Variants in DMXL1 observed in about 807,000 individuals in gnomAD.
DMXL1 encodes the protein Dmx like 1.
A neutral mutation model predicts 319.2 loss-of-function variants in DMXL1; 99 were observed. That is an observed-to-expected ratio of 0.31 (90% confidence interval 0.26 to 0.37). The LOEUF (loss-of-function observed/expected upper bound fraction) is 0.37, where lower values mean the gene tolerates loss of function less well. Ranked by LOEUF, DMXL1 falls within the 10% of genes least tolerant of loss-of-function variation. The pLI, the probability that DMXL1 is intolerant of heterozygous loss-of-function variation, is 1.00. For synonymous variants in DMXL1, 1,385 were observed against 1,235.2 expected (o/e 1.12, Z -2.54); for missense variants, 3,745 against 3,595.6 (o/e 1.04, Z -1.06).
chr5:119,140,275 G>A (rs1767011282), intron 13 of DMXL1, among the ~76,000 whole-genome samples: 1 of 152,156 alleles, frequency 6.6e-6, no homozygotes, highest in Non-Finnish European at 1.5e-5. Flanking sequence ...CAAAATCAGA[G>A]ATGAACTGAA....
rs148285772 is a variant in DMXL1 at position 119,143,229 on chromosome 5, T to G, written c.2377-612T>G. On this transcript the variant is annotated intron_variant, in intron 13 of 43. Transcript: ENST00000539542. ...ACCTACAATGAAAGTTAAAAAAAAT[T>G]AAAGATTGAATGCTGGAATGCTCGG... 7.2e-3 allele frequency among the ~76,000 whole-genome samples: 1,099 copies of G among 151,876 alleles called. 15 individuals carry two copies. The highest frequency in any genetic ancestry group is 0.026 in the African/African-American group (1,064 of 41,486).
chr5:119,151,904 T>C (rs760498083), intron 18 of DMXL1, 25 bp from the exon 19 acceptor site: 3 of 1,535,628 alleles, frequency 2.0e-6, no homozygotes, highest in East Asian at 2.3e-5. Flanking sequence ...TTTTAATACA[T>C]TGCTTCCCCT....
At chr5:119,105,895 CAAAA>C (rs560106066) in intron 4 of DMXL1, among the ~76,000 whole-genome samples, 7 of 76,762 alleles carry the variant, frequency 9.1e-5, no homozygotes, top group Admixed American at 1.4e-4. Flanking sequence ...GAAACTGTCT[CAAAA>C]AAAAAAAAAA....
intron 1 of DMXL1, among the ~76,000 whole-genome samples, chr5:119,091,029 A>G (rs959097207): frequency 1.3e-5 from 2 of 152,070 alleles, no homozygotes; most frequent in Admixed American, 1.3e-4. Flanking sequence ...CAATCTGTTT[A>G]TTAACTTTTT....
At position 119,247,386 on chromosome 5, in the gene DMXL1, G is replaced by A. The variant is rs547388185; in HGVS notation, c.*167G>A. The A allele has an allele frequency of 3.7e-6, 2 of 547,278 alleles. No homozygotes were observed. Among genetic ancestry groups the A allele is most frequent in the Non-Finnish European group, 6.5e-6 (2 of 309,314 alleles). 33.9% of individuals were successfully genotyped at this position (547,278 alleles called of 1,614,324 possible). A position where few individuals can be genotyped will look rare whatever the true frequency, so the allele number is the denominator to read the frequency against. Reference sequence around the variant, plus strand: ...CACTGATGCCTTAAAAATTAACAAGGTCATTCAGAAGTAGATTACATTGCC... The same window carrying A: ...CACTGATGCCTTAAAAATTAACAAGATCATTCAGAAGTAGATTACATTGCC... On this transcript the variant is annotated 3_prime_UTR_variant, in exon 44 of 44. Coordinates refer to ENST00000539542, the MANE Select transcript of DMXL1 (RefSeq NM_001290321.3).
intron 4 of DMXL1, among the ~76,000 whole-genome samples, chr5:119,108,099 A>C (rs191294460): frequency 6.6e-6 from 1 of 152,154 alleles, no homozygotes; most frequent in Non-Finnish European, 1.5e-5. Context: ...ATGCTGGCCC[A>C]TACCTGTAAT....
chr5:119,125,757 G>A (rs578045422), intron 9 of DMXL1, among the ~76,000 whole-genome samples: 64 of 151,914 alleles, frequency 4.2e-4, no homozygotes, highest in African/African-American at 1.5e-3. Context: ...ATAAAGGCGG[G>A]GTTTCACCAT....
chr5:119,198,087 C>T (rs1257020663), intron 32 of DMXL1, 131 bp downstream of exon 32: 7 of 800,264 alleles, frequency 8.7e-6, no homozygotes, highest in Non-Finnish European at 1.2e-5. Flanking sequence ...CTCCTGGGTT[C>T]AAGTGATTCT....
chr5:119,174,242 T>C lies in DMXL1; in HGVS notation c.6682-1019T>C, dbSNP rs181385753. On this transcript the variant is annotated intron_variant, in intron 25 of 43. Coordinates refer to ENST00000539542, the MANE Select transcript of DMXL1 (RefSeq NM_001290321.3). ...CCCATGGCCCAGTCACACCTAGATT[T>C]TTTTCAAATGGTAGTTTCAGGGGTT... is the stretch of plus-strand genomic sequence containing the variant. 1.8e-4 allele frequency among the ~76,000 whole-genome samples: 27 copies of C among 152,268 alleles called. No homozygotes were observed. In the East Asian group the frequency reaches 4.6e-3, roughly 26 times the overall value.
chr5:119,097,536 T>G (rs1272130104), intron 1 of DMXL1, among the ~76,000 whole-genome samples: 1 of 151,876 alleles, frequency 6.6e-6, no homozygotes, highest in Non-Finnish European at 1.5e-5. Context: ...GCTAACACGG[T>G]GAAACCCCAT....
intron 9 of DMXL1, among the ~76,000 whole-genome samples, chr5:119,124,103 G>A (rs1449934780): frequency 6.6e-6 from 1 of 151,510 alleles, no homozygotes; most frequent in Non-Finnish European, 1.5e-5. Flanking sequence ...GAGGCCAGGA[G>A]TTCAAGACCA....
chr5:119,173,877 G>T (rs554252660), intron 25 of DMXL1, among the ~76,000 whole-genome samples: 1 of 149,066 alleles, frequency 6.7e-6, no homozygotes, highest in East Asian at 2.0e-4. Context: ...CAGTTGGCAA[G>T]TTGGACACCC....
Position 119,114,493 on chromosome 5 carries a change from T to C in DMXL1, c.516T>C (p.His172=). ...IWHCKTASQV[H]LMKFSPDGEF... is the part of the protein sequence containing the mutation. ...TTTACAGAACTGCTTCCCAAGTTCA[T>C]TTAATGAAATTTTCACCAGATGGAG... The change falls in exon 6 of 44, where the codon CAT becomes CAC. Residue 172 remains histidine (H), a synonymous_variant. Transcript: ENST00000539542. 1 of 1,609,124 alleles carries C rather than the reference T, an allele frequency of 6.2e-7. No homozygotes were observed. Among genetic ancestry groups the C allele is most frequent in the Non-Finnish European group, 8.5e-7 (1 of 1,178,476 alleles).
intron 41 of DMXL1, among the ~76,000 whole-genome samples, chr5:119,240,132 A>G (rs968444877): frequency 6.6e-6 from 1 of 151,724 alleles, no homozygotes; most frequent in African/African-American, 2.4e-5. Flanking sequence ...AATTAGCCAG[A>G]CATGGTGGCA....
At chr5:119,193,776 A>G in intron 29 of DMXL1, 52 bp from the exon 30 acceptor site, 1 of 1,522,570 alleles carries the variant, frequency 6.6e-7, no homozygotes, top group South Asian at 1.1e-5. Flanking sequence ...GTATGTTTGA[A>G]TGTATTAAAT....
intron 4 of DMXL1, among the ~76,000 whole-genome samples, chr5:119,109,118 T>C (rs1277650212): frequency 6.6e-6 from 1 of 152,166 alleles, no homozygotes; most frequent in African/African-American, 2.4e-5. Flanking sequence ...TGAATTTCTA[T>C]AGTTAATTAA....
chr5:119,150,715 C>G (rs1211177202), intron 18 of DMXL1, among the ~76,000 whole-genome samples: 2 of 151,640 alleles, frequency 1.3e-5, no homozygotes, highest in Non-Finnish European at 2.9e-5. Context: ...TGCTTGAGCC[C>G]AGGAGGTTGA....
intron 8 of DMXL1, among the ~76,000 whole-genome samples, chr5:119,120,521 A>T (rs774362080): frequency 3.3e-5 from 5 of 152,234 alleles, no homozygotes; most frequent in Non-Finnish European, 7.3e-5. Flanking sequence ...GATGATCTCT[A>T]TGAAAATGCT....
intron 1 of DMXL1, among the ~76,000 whole-genome samples, chr5:119,077,886 T>C (rs535056220): frequency 1.4e-3 from 193 of 138,886 alleles, no homozygotes; most frequent in Admixed American, 2.8e-3. Flanking sequence ...TAGATATATA[T>C]ACACACACAC....
Sources: gnomAD v4.1 joint callset for allele counts (sites outside exome capture counted in the v4.1 genomes callset) on GRCh38, gnomAD v4.1.1 for gene constraint, MANE v1.5 for transcripts, NCBI Gene and HGNC (gene_info 2026-07-23, HGNC 2026-07-21) for gene names.